The following SLIT2 variants were observed in gnomAD, a reference collection of about 807,000 sequenced individuals.
SLIT2 encodes slit homolog 2 protein.
Under a neutral mutation model 185.7 loss-of-function variants are expected in SLIT2, and 41 were observed. The observed-to-expected ratio is 0.22, with a 90% confidence interval of 0.17 to 0.29. The LOEUF (loss-of-function observed/expected upper bound fraction) is 0.29. SLIT2 is among the 10% of genes least tolerant of loss of function. The pLI, the probability that SLIT2 is intolerant of heterozygous loss-of-function variation, is 1.00. For synonymous variants in SLIT2, 693 were observed against 680.2 expected (o/e 1.02, Z -0.29); for missense variants, 1,571 against 1,909.0 (o/e 0.82, Z 3.30).
At chr4:20,396,846 A>T (rs1184776958) in intron 4 of SLIT2, among the ~76,000 whole-genome samples, 2 of 148,184 alleles carry the variant, frequency 1.3e-5, no homozygotes, top group African/African-American at 4.9e-5. Flanking sequence ...AAATATATAC[A>T]TCTAAAGATA....
chr4:20,397,930 A>G (rs1726041996), intron 4 of SLIT2, among the ~76,000 whole-genome samples: 1 of 151,848 alleles, frequency 6.6e-6, no homozygotes. Context: ...CATGGTGTGC[A>G]GTGCCATTGG....
intron 4 of SLIT2, among the ~76,000 whole-genome samples, chr4:20,456,852 A>G (rs970704299): frequency 6.6e-6 from 1 of 152,078 alleles, no homozygotes; most frequent in African/African-American, 2.4e-5. Flanking sequence ...GCTTTCAAAG[A>G]CTGTTTACCA....
intron 4 of SLIT2, among the ~76,000 whole-genome samples, chr4:20,353,284 C>A (rs954454040): frequency 6.6e-6 from 1 of 152,044 alleles, no homozygotes; most frequent in African/African-American, 2.4e-5. Context: ...AAAAAAGGAG[C>A]TTTACTTTAA....
intron 4 of SLIT2, among the ~76,000 whole-genome samples, chr4:20,392,486 T>G (rs555822639): frequency 3.5e-4 from 54 of 152,212 alleles, no homozygotes; most frequent in African/African-American, 1.3e-3. Flanking sequence ...TATTATATAC[T>G]TAGGCTACAC....
chr4:20,540,946 A>G (rs1353737696), intron 19 of SLIT2, among the ~76,000 whole-genome samples: 1 of 152,222 alleles, frequency 6.6e-6, no homozygotes, highest in East Asian at 1.9e-4. Flanking sequence ...CTCAGCTGTC[A>G]GTTTAGATGG....
chr4:20,388,494 C>T (rs1207626048), intron 4 of SLIT2, among the ~76,000 whole-genome samples: 1 of 151,958 alleles, frequency 6.6e-6, no homozygotes, highest in African/African-American at 2.4e-5. Flanking sequence ...GGAGATACGG[C>T]CAGGCATGGT....
intron 21 of SLIT2, among the ~76,000 whole-genome samples, chr4:20,542,859 TGTGC>T (rs10546726): frequency 0.34 from 19,955 of 58,960 alleles, 1,775 homozygotes; most frequent in East Asian, 0.45. Context: ...TGTGTGTGTG[TGTGC>T]GCTATAAGAT....
intron 4 of SLIT2, among the ~76,000 whole-genome samples, chr4:20,437,391 G>A (rs1053914006): frequency 2.6e-5 from 4 of 152,166 alleles, no homozygotes; most frequent in African/African-American, 9.7e-5. Context: ...AAGGCCTGAG[G>A]ATCACTTGAG....
intron 4 of SLIT2, among the ~76,000 whole-genome samples, chr4:20,337,218 G>A (rs561807916): frequency 4.6e-5 from 7 of 152,224 alleles, no homozygotes; most frequent in East Asian, 1.9e-4. Flanking sequence ...ACAGTTCCCC[G>A]TGGCTGGGAA....
At chr4:20,551,762 C>T (rs1723777182) in intron 25 of SLIT2, among the ~76,000 whole-genome samples, 1 of 152,042 alleles carries the variant, frequency 6.6e-6, no homozygotes, top group Non-Finnish European at 1.5e-5. Flanking sequence ...TCTCGAAAAC[C>T]CACAAACTCC....
intron 29 of SLIT2, among the ~76,000 whole-genome samples, chr4:20,575,191 C>A (rs531169337): frequency 6.6e-6 from 1 of 152,112 alleles, no homozygotes; most frequent in East Asian, 1.9e-4. Flanking sequence ...TGTTTTAAAT[C>A]GCCATGTGGT....
At chr4:20,433,485 C>T (rs1212875823) in intron 4 of SLIT2, among the ~76,000 whole-genome samples, 1 of 152,180 alleles carries the variant, frequency 6.6e-6, no homozygotes, top group Admixed American at 6.5e-5. Flanking sequence ...TGGTAGGCTG[C>T]ACAGTGTTGG....
intron 3 of SLIT2, among the ~76,000 whole-genome samples, chr4:20,262,345 C>A (rs1398627194): frequency 6.6e-6 from 1 of 151,708 alleles, no homozygotes; most frequent in Non-Finnish European, 1.5e-5. Flanking sequence ...TAGGTCTTTA[C>A]ACATGAGTTC....
chr4:20,553,708 C>T, intron 25 of SLIT2, 97 bp from the exon 26 acceptor site: 4 of 1,146,964 alleles, frequency 3.5e-6, no homozygotes, highest in Non-Finnish European at 4.6e-6. Context: ...ATTCTTTTGC[C>T]CTTAGGAAAT....
At chr4:20,444,187 G>A (rs745995149) in intron 4 of SLIT2, among the ~76,000 whole-genome samples, 3 of 152,010 alleles carry the variant, frequency 2.0e-5, no homozygotes, top group African/African-American at 4.8e-5. Flanking sequence ...TCCTAGACTC[G>A]AGGCTAAGCA....
chr4:20,322,931 A>T (rs1181768545), intron 4 of SLIT2, among the ~76,000 whole-genome samples: 1 of 152,162 alleles, frequency 6.6e-6, no homozygotes, highest in African/African-American at 2.4e-5. Context: ...AGTCTTCTAC[A>T]TCAGTGGATT....
At chr4:20,593,672 T>A (rs144806570) in intron 30 of SLIT2, among the ~76,000 whole-genome samples, 68 of 152,254 alleles carry the variant, frequency 4.5e-4, no homozygotes, top group African/African-American at 1.5e-3. Context: ...GATGGATATG[T>A]TAATTAGCTT....
chr4:20,579,050 C>T (rs1479045516), intron 29 of SLIT2, among the ~76,000 whole-genome samples: 1 of 151,928 alleles, frequency 6.6e-6, no homozygotes, highest in African/African-American at 2.4e-5. Flanking sequence ...AATCCTGGCA[C>T]TTTGGGAGGC....
intron 4 of SLIT2, among the ~76,000 whole-genome samples, chr4:20,279,670 A>G (rs1714527777): frequency 6.6e-6 from 1 of 152,156 alleles, no homozygotes; most frequent in East Asian, 1.9e-4. Context: ...TATGTTTCTT[A>G]TGGAAGTGAT....
Sources: allele counts gnomAD v4.1 joint callset (sites outside exome capture counted in the v4.1 genomes callset), GRCh38; gene constraint gnomAD v4.1.1; transcripts MANE v1.5; gene names NCBI Gene and HGNC (gene_info 2026-07-23, HGNC 2026-07-21).